The following ATP2B1 variants were observed in gnomAD, a reference collection of about 807,000 sequenced individuals.
ATP2B1 encodes ATPase plasma membrane Ca2+ transporting 1.
Under a neutral mutation model 124.2 loss-of-function variants are expected in ATP2B1, and 14 were observed. The ratio of observed to expected loss-of-function variants is 0.11; its 90% CI spans 0.07 to 0.18. The LOEUF is 0.18. Among genes scored for constraint, ATP2B1 ranks in the 10% least tolerant of loss-of-function variants. The pLI is 1.00. For synonymous variants in ATP2B1, 449 were observed against 492.4 expected, an observed-to-expected ratio of 0.91 and a Z score of 1.17; for missense variants, 763 against 1,466.1, an observed-to-expected ratio of 0.52 and a Z score of 7.83.
chr12:89,611,120 T>A, intron 13 of ATP2B1, 73 bp downstream of exon 13: 1 of 1,374,222 alleles, frequency 7.3e-7, no homozygotes. Flanking sequence ...ATATTCAATA[T>A]GTGTTTGTTG....
At chr12:89,608,514 TAA>T (rs780881059) in intron 15 of ATP2B1, among the ~76,000 whole-genome samples, 1 of 142,422 alleles carries the variant, frequency 7.0e-6, no homozygotes. Flanking sequence ...TGTTATCATT[TAA>T]AAAAAAAAAA....
rs151248261 is a variant in ATP2B1 at position 89,692,906 on chromosome 12, A to C, written c.-222+15690T>G. On this transcript the variant is annotated intron_variant, in intron 1 of 20. Coordinates refer to ENST00000428670, the MANE Select transcript of ATP2B1 (RefSeq NM_001366521.1). ...AACTTAACTCTTGTTTATATCGACT[A>C]GTCTATGGTAAAATTGGTTTCGTTA... Among the ~76,000 whole-genome samples, 3 of 152,294 alleles carry C rather than the reference A, an allele frequency of 2.0e-5. No individual in the cohort carries two copies. In the East Asian group the frequency reaches 5.8e-4, roughly 29 times the overall value.
intron 5 of ATP2B1, among the ~76,000 whole-genome samples, chr12:89,632,273 C>G (rs934042086): frequency 2.6e-5 from 4 of 152,038 alleles, no homozygotes; most frequent in Non-Finnish European, 5.9e-5. Flanking sequence ...TTGCTAAGTA[C>G]GCTCATAAAA....
At chr12:89,657,630 A>T (rs556392415) in intron 1 of ATP2B1, among the ~76,000 whole-genome samples, 1 of 152,362 alleles carries the variant, frequency 6.6e-6, no homozygotes, top group Non-Finnish European at 1.5e-5. Flanking sequence ...ACTTCAGCAT[A>T]TATCAGAATC....
At chr12:89,708,042 C>G (rs2136936180) in intron 1 of ATP2B1, among the ~76,000 whole-genome samples, 1 of 152,294 alleles carries the variant, frequency 6.6e-6, no homozygotes, top group African/African-American at 2.4e-5. Flanking sequence ...CTCCAACTCC[C>G]GAGGAATCAC....
In ATP2B1 at chr12:89,610,414, T is replaced by G. The variant is rs574096224; in HGVS notation, c.2335+7A>C. 10 of 1,609,292 alleles carry G rather than the reference T, an allele frequency of 6.2e-6. 1 individual carries two copies. In the South Asian group the frequency reaches 1.0e-4, roughly 16 times the overall value. ...GAAATTGTGAAATAACTGAAAAATC[T>G]ACTTACCTTTAACCAGTGTATGCTT... On this transcript the variant is annotated splice_region_variant and intron_variant, in intron 14 of 20. Transcript: ENST00000428670.
intron 11 of ATP2B1, among the ~76,000 whole-genome samples, chr12:89,619,448 C>T (rs1321459027): frequency 1.3e-5 from 2 of 151,744 alleles, no homozygotes; most frequent in Non-Finnish European, 2.9e-5. Flanking sequence ...CCTGACTCTA[C>T]TAAAAATACA....
intron 5 of ATP2B1, among the ~76,000 whole-genome samples, chr12:89,631,389 CGTAT>C (rs1881837072): frequency 6.6e-6 from 1 of 152,142 alleles, no homozygotes; most frequent in African/African-American, 2.4e-5. Flanking sequence ...AAAGAAACAA[CGTAT>C]GTATCAATGA....
intron 5 of ATP2B1, among the ~76,000 whole-genome samples, chr12:89,632,078 A>G (rs1003356706): frequency 1.3e-5 from 2 of 151,992 alleles, no homozygotes; most frequent in African/African-American, 4.8e-5. Context: ...ATCTTTTCTT[A>G]TTCACTAAAA....
chr12:89,610,354 A>G, intron 14 of ATP2B1, 67 bp downstream of exon 14: 1 of 1,293,108 alleles, frequency 7.7e-7, no homozygotes, highest in Non-Finnish European at 1.1e-6. Flanking sequence ...AGTATCTATT[A>G]CTATTCTGGG....
intron 15 of ATP2B1, among the ~76,000 whole-genome samples, chr12:89,609,131 C>A (rs1877514166): frequency 6.6e-6 from 1 of 152,144 alleles, no homozygotes; most frequent in African/African-American, 2.4e-5. Context: ...AACCTTAGGG[C>A]CAGACTGTGA....
At chr12:89,694,014 C>T (rs1890837395) in intron 1 of ATP2B1, among the ~76,000 whole-genome samples, 1 of 152,122 alleles carries the variant, frequency 6.6e-6, no homozygotes, top group Non-Finnish European at 1.5e-5. Flanking sequence ...GCGATTAGTC[C>T]ACTAAGTTAC....
intron 19 of ATP2B1, among the ~76,000 whole-genome samples, chr12:89,600,179 G>C (rs984459187): frequency 1.3e-5 from 2 of 152,086 alleles, no homozygotes; most frequent in Non-Finnish European, 2.9e-5. Flanking sequence ...AGAAACCTCA[G>C]AATCTAGAAA....
At chr12:89,660,125 C>T (rs907656296) in intron 1 of ATP2B1, among the ~76,000 whole-genome samples, 1 of 151,988 alleles carries the variant, frequency 6.6e-6, no homozygotes, top group Admixed American at 6.6e-5. Context: ...GCTAATACAA[C>T]TAAATATATT....
intron 11 of ATP2B1, 81 bp downstream of exon 11, chr12:89,619,918 A>G: frequency 6.6e-7 from 1 of 1,518,168 alleles, no homozygotes; most frequent in Non-Finnish European, 8.9e-7. Flanking sequence ...TCACAAAAAG[A>G]CAACAACAAT....
chr12:89,685,311 T>TA (rs1396327987), intron 1 of ATP2B1, among the ~76,000 whole-genome samples: 2 of 152,152 alleles, frequency 1.3e-5, no homozygotes, highest in Admixed American at 1.3e-4. Context: ...TTGGGAAACG[T>TA]AACTATGGGT....
At chr12:89,694,274 T>A (rs1890871123) in intron 1 of ATP2B1, among the ~76,000 whole-genome samples, 1 of 152,204 alleles carries the variant, frequency 6.6e-6, no homozygotes, top group Admixed American at 6.5e-5. Context: ...CCCTCTCATA[T>A]CCCACTTACA....
At chr12:89,608,500 T>C (rs534043606) in intron 15 of ATP2B1, among the ~76,000 whole-genome samples, 1 of 151,702 alleles carries the variant, frequency 6.6e-6, no homozygotes, top group South Asian at 2.1e-4. Context: ...ATTTAGACTT[T>C]TGATGTTATC....
chr12:89,676,438 T>C (rs776422538), intron 1 of ATP2B1, among the ~76,000 whole-genome samples: 1 of 152,060 alleles, frequency 6.6e-6, no homozygotes, highest in Non-Finnish European at 1.5e-5. Flanking sequence ...ATTTTCTCCC[T>C]CTCTCGCTAC....
Sources: allele counts gnomAD v4.1 joint callset (sites outside exome capture counted in the v4.1 genomes callset), GRCh38; gene constraint gnomAD v4.1.1; transcripts MANE v1.5; gene names NCBI Gene and HGNC (gene_info 2026-07-23, HGNC 2026-07-21).